RAB6A: variants seen among roughly 807,000 people sequenced by gnomAD.
The protein encoded by RAB6A is RAB6A, member RAS oncogene family.
A neutral mutation model predicts 32.3 loss-of-function variants in RAB6A; 8 were observed. The observed-to-expected ratio is 0.25, with a 90% CI of 0.15 to 0.45. The LOEUF (loss-of-function observed/expected upper bound fraction) is 0.45. RAB6A is among the 20% of genes least tolerant of loss of function. The pLI is 1.00. For missense variants in RAB6A, 104 were observed against 249.4 expected (o/e 0.42, Z 3.93); for synonymous variants, 73 against 82.1 (o/e 0.89, Z 0.60).
intron 6 of RAB6A, among the ~76,000 whole-genome samples, chr11:73,703,089 T>C (rs1945773136): frequency 6.6e-6 from 1 of 151,944 alleles, no homozygotes; most frequent in Non-Finnish European, 1.5e-5. Context: ...CCGAAAGTGC[T>C]GGGATTATAG....
intron 1 of RAB6A, chr11:73,759,998 C>T (rs1946816836): frequency 7.8e-7 from 1 of 1,282,894 alleles, no homozygotes; most frequent in Non-Finnish European, 1.0e-6. Context: ...AGACTAATTT[C>T]CCACCCAGGT....
chr11:73,696,995 T>C (rs986155207), intron 6 of RAB6A, among the ~76,000 whole-genome samples: 3 of 152,172 alleles, frequency 2.0e-5, no homozygotes, highest in Non-Finnish European at 4.4e-5. Context: ...AAATCCTCAC[T>C]ACTGCCCACA....
intron 1 of RAB6A, among the ~76,000 whole-genome samples, chr11:73,733,664 T>C (rs906833893): frequency 1.1e-4 from 17 of 151,812 alleles, no homozygotes; most frequent in African/African-American, 3.9e-4. Flanking sequence ...ACATGTAAAA[T>C]TGTATGAACA....
chr11:73,725,925 G>A (rs917922830), intron 2 of RAB6A, among the ~76,000 whole-genome samples: 22 of 152,140 alleles, frequency 1.4e-4, no homozygotes, highest in African/African-American at 4.8e-4. Flanking sequence ...GGCCGAGGCA[G>A]CCGGATTGCT....
At chr11:73,727,429 GAA>G (rs35146058) in intron 2 of RAB6A, among the ~76,000 whole-genome samples, 2 of 143,468 alleles carry the variant, frequency 1.4e-5, no homozygotes, top group Non-Finnish European at 1.5e-5. Context: ...CTATCTCTTG[GAA>G]AAAAAAAAAA....
chr11:73,724,047 A>G (rs1946180681), intron 2 of RAB6A, among the ~76,000 whole-genome samples: 1 of 152,228 alleles, frequency 6.6e-6, no homozygotes, highest in Non-Finnish European at 1.5e-5. Context: ...TAAAGAAAAA[A>G]TTGAACTGTT....
At chr11:73,751,595 C>G (rs1355852361) in intron 1 of RAB6A, among the ~76,000 whole-genome samples, 3 of 152,154 alleles carry the variant, frequency 2.0e-5, no homozygotes, top group Admixed American at 6.6e-5. Flanking sequence ...CTTCTATTCC[C>G]TCTTCTGTTC....
intron 5 of RAB6A, among the ~76,000 whole-genome samples, chr11:73,713,697 A>G (rs1946003323): frequency 6.6e-6 from 1 of 152,220 alleles, no homozygotes; most frequent in South Asian, 2.1e-4. Context: ...ATTTCATGTC[A>G]TGCTTATAAA....
At chr11:73,679,629 A>C (rs764143932) in intron 7 of RAB6A, 25 bp downstream of exon 7, 3 of 1,613,282 alleles carry the variant, frequency 1.9e-6, no homozygotes, top group Admixed American at 1.7e-5. Context: ...ATAATGAAAA[A>C]TTTCCAATGA....
At chr11:73,705,091 C>T (rs1365837021) in intron 6 of RAB6A, among the ~76,000 whole-genome samples, 1 of 152,164 alleles carries the variant, frequency 6.6e-6, no homozygotes, top group Non-Finnish European at 1.5e-5. Flanking sequence ...GTGGTGCTTA[C>T]TGTATGCTAT....
chr11:73,714,143 G>C (rs1946010619), intron 5 of RAB6A, among the ~76,000 whole-genome samples: 1 of 132,900 alleles, frequency 7.5e-6, no homozygotes, highest in Non-Finnish European at 1.5e-5. Context: ...AGTTAGCCAA[G>C]ATTGTGCCAT....
At chr11:73,707,302 T>C (rs981127857) in intron 6 of RAB6A, 118 bp downstream of exon 6, 30 of 655,950 alleles carry the variant, frequency 4.6e-5, no homozygotes, top group African/African-American at 4.4e-4. Context: ...TTTGAAAATA[T>C]ACTGCTAGTT....
chr11:73,719,466 G>A (rs1323237601), intron 3 of RAB6A, among the ~76,000 whole-genome samples: 2 of 152,204 alleles, frequency 1.3e-5, no homozygotes, highest in Non-Finnish European at 2.9e-5. Flanking sequence ...ACGCGTGTGT[G>A]TGTATAATGT....
chr11:73,756,574 C>A (rs1675291108), intron 1 of RAB6A, among the ~76,000 whole-genome samples: 1 of 152,210 alleles, frequency 6.6e-6, no homozygotes, highest in Non-Finnish European at 1.5e-5. Flanking sequence ...CTGTAAACCA[C>A]TGAGTGACAT....
At chr11:73,740,935 T>C (rs1946486187) in intron 1 of RAB6A, among the ~76,000 whole-genome samples, 1 of 152,006 alleles carries the variant, frequency 6.6e-6, no homozygotes, top group Admixed American at 6.6e-5. Flanking sequence ...CAGTCGTATT[T>C]AAAAATGGAG....
intron 7 of RAB6A, among the ~76,000 whole-genome samples, chr11:73,678,783 T>C (rs2134856911): frequency 6.6e-6 from 1 of 150,824 alleles, no homozygotes; most frequent in Admixed American, 6.6e-5. Context: ...TGGAGTGCAA[T>C]GGCGTGATCT....
At chr11:73,747,912 T>A (rs1338737027) in intron 1 of RAB6A, among the ~76,000 whole-genome samples, 1 of 152,234 alleles carries the variant, frequency 6.6e-6, no homozygotes, top group Non-Finnish European at 1.5e-5. Context: ...TGGCCCATTA[T>A]CTTATTCCTA....
rs1945275680 is a variant in RAB6A at position 73,676,801 on chromosome 11, T to C, written c.*1097A>G. 1 of 167,140 alleles carries C rather than the reference T, an allele frequency of 6.0e-6. No individual in the cohort carries two copies. The highest frequency in any genetic ancestry group is 6.5e-5 in the Admixed American group (1 of 15,280). 10.4% of individuals were successfully genotyped at this position (167,140 alleles called of 1,614,324 possible). On this transcript the variant is annotated 3_prime_UTR_variant, in exon 8 of 8. Coordinates refer to ENST00000336083, the MANE Select transcript of RAB6A (RefSeq NM_198896.2). The stretch of plus-strand genomic sequence containing the variant: ...CTGAGCAAAGTTTTTGTTATTCTGC[T>C]GAGGGTTCTTTTGTTGGTAAGCTTT...
chr11:73,722,343 ATTTTTTTTTTT>A (rs537309131), intron 2 of RAB6A: 19 of 15,366 alleles, frequency 1.2e-3, no homozygotes, highest in Admixed American at 5.0e-3. Context: ...ATATATATAT[ATTTTTTTTTTT>A]TTTTTTTTTT....
Sources: gnomAD v4.1 joint callset for allele counts (sites outside exome capture counted in the v4.1 genomes callset) on GRCh38, gnomAD v4.1.1 for gene constraint, MANE v1.5 for transcripts, NCBI Gene and HGNC (gene_info 2026-07-23, HGNC 2026-07-21) for gene names.